Variants in CSMD1 observed in about 807,000 individuals in gnomAD.
The protein encoded by CSMD1 is CUB and Sushi multiple domains 1.
A neutral mutation model predicts 417.5 loss-of-function variants in CSMD1; 213 were observed. The observed-to-expected ratio is 0.51, with a 90% confidence interval of 0.46 to 0.57. CSMD1 has a LOEUF of 0.57. Ranked by LOEUF, CSMD1 falls within the 20% of genes least tolerant of loss-of-function variation. The pLI is 0.00. For missense variants in CSMD1, 6,923 were observed against 4,529.7 expected, an observed-to-expected ratio of 1.53 and a Z score of -15.17; for synonymous variants, 2,862 against 1,736.8, an observed-to-expected ratio of 1.65 and a Z score of -16.11.
chr8:3,616,891 G>T (rs1370803629), intron 7 of CSMD1, 94 bp from the exon 8 acceptor site: 5 of 776,202 alleles, frequency 6.4e-6, no homozygotes, highest in South Asian at 1.8e-5. Context: ...GTTCTTTAAT[G>T]ATAATGACTT....
At chr8:3,951,691 T>G (rs190692304) in intron 5 of CSMD1, among the ~76,000 whole-genome samples, 135 of 152,258 alleles carry the variant, frequency 8.9e-4, no homozygotes, top group Admixed American at 1.8e-3. Flanking sequence ...AGATATTTAG[T>G]TCTAATTTAA....
intron 1 of CSMD1, among the ~76,000 whole-genome samples, chr8:4,668,316 G>A (rs139418826): frequency 1.3e-5 from 2 of 151,912 alleles, no homozygotes; most frequent in South Asian, 2.1e-4. Context: ...TTTCTTGGAT[G>A]ATCACAGCAC....
chr8:4,203,995 G>C (rs930311390), intron 3 of CSMD1, among the ~76,000 whole-genome samples: 1 of 152,146 alleles, frequency 6.6e-6, no homozygotes, highest in Non-Finnish European at 1.5e-5. Context: ...CAGCTACTCG[G>C]AAGACTGAGG....
At chr8:3,404,360 C>T (rs921798866) in intron 15 of CSMD1, among the ~76,000 whole-genome samples, 1 of 147,158 alleles carries the variant, frequency 6.8e-6, no homozygotes, top group Admixed American at 6.8e-5. Context: ...AAAAAAATTG[C>T]GTTTCTACTT....
Position 4,799,636 on chromosome 8 carries a change from C to T in CSMD1, c.86-162078G>A, listed in dbSNP as rs552288795. On this transcript the variant is annotated intron_variant, in intron 1 of 69. Coordinates refer to ENST00000635120, the MANE Select transcript of CSMD1 (RefSeq NM_033225.6). ...AAAAAAAAAAAAAAAAAAGTAATCC[C>T]TGGGCACTCACACAAGTATCTGAAA... Among the ~76,000 whole-genome samples the T allele has an allele frequency of 1.7e-3, 218 of 127,706 alleles. 2 individuals are homozygous for T. In the South Asian group the frequency reaches 0.028, roughly 17 times the overall value. The allele number at this position is 127,706 out of a possible 152,430, so 83.8% of individuals were successfully genotyped here. A position where few individuals can be genotyped will look rare whatever the true frequency, so the allele number is the denominator to read the frequency against.
At chr8:4,168,914 G>C (rs1470535901) in intron 3 of CSMD1, among the ~76,000 whole-genome samples, 2 of 152,082 alleles carry the variant, frequency 1.3e-5, no homozygotes, top group African/African-American at 2.4e-5. Context: ...CCAGTGCCAG[G>C]CCTTGCTCTG....
chr8:4,699,614 A>G (rs1807379824), intron 1 of CSMD1, among the ~76,000 whole-genome samples: 1 of 152,176 alleles, frequency 6.6e-6, no homozygotes, highest in South Asian at 2.1e-4. Context: ...CTTGGCATTT[A>G]TTTGTTGAGA....
At chr8:4,131,952 G>C (rs1488199082) in intron 3 of CSMD1, among the ~76,000 whole-genome samples, 1 of 151,850 alleles carries the variant, frequency 6.6e-6, no homozygotes, top group African/African-American at 2.4e-5. Flanking sequence ...TTTTAGTAGA[G>C]ACCGGCTTTC....
chr8:4,359,857 T>G (rs550970079), intron 3 of CSMD1, among the ~76,000 whole-genome samples: 1 of 152,224 alleles, frequency 6.6e-6, no homozygotes, highest in Non-Finnish European at 1.5e-5. Context: ...TCAGTGCAAG[T>G]CCAGAGACAA....
chr8:4,185,975 T>C (rs886358287), intron 3 of CSMD1, among the ~76,000 whole-genome samples: 1 of 152,160 alleles, frequency 6.6e-6, no homozygotes, highest in Non-Finnish European at 1.5e-5. Context: ...CAGAAATCAT[T>C]CTTAACAAGT....
chr8:4,312,239 T>C (rs1281980518), intron 3 of CSMD1, among the ~76,000 whole-genome samples: 1 of 151,746 alleles, frequency 6.6e-6, no homozygotes. Flanking sequence ...GCGTAACTGA[T>C]CATATTGCAA....
chr8:4,596,899 C>G (rs1189323021), intron 2 of CSMD1, among the ~76,000 whole-genome samples: 1 of 152,164 alleles, frequency 6.6e-6, no homozygotes, highest in Admixed American at 6.5e-5. Flanking sequence ...GAATAAGTCT[C>G]ACAAGATCTG....
Position 4,204,870 on chromosome 8 carries a change from A to G in CSMD1, c.416-172771T>C, listed in dbSNP as rs1168082311. ...AAGACAGGGTATCACTATATTCCCCAGGCTGGTCCTGAACTCCTGTCCTCA... is the reference window on the plus strand; with the variant it reads ...AAGACAGGGTATCACTATATTCCCCGGGCTGGTCCTGAACTCCTGTCCTCA... On this transcript the variant is annotated intron_variant, in intron 3 of 69. Coordinates refer to ENST00000635120, the MANE Select transcript of CSMD1 (RefSeq NM_033225.6). Among the ~76,000 whole-genome samples the G allele has an allele frequency of 2.0e-5, 3 of 152,136 alleles. 1 individual carries two copies. Among genetic ancestry groups the G allele is most frequent in the Admixed American group, 2.0e-4 (3 of 15,264 alleles).
At chr8:3,528,781 G>C (rs930674733) in intron 10 of CSMD1, among the ~76,000 whole-genome samples, 5 of 152,148 alleles carry the variant, frequency 3.3e-5, no homozygotes, top group Admixed American at 2.6e-4. Context: ...ACTGAAGGTT[G>C]ACAGACAGAA....
At chr8:4,065,455 C>T (rs1167582985) in intron 3 of CSMD1, among the ~76,000 whole-genome samples, 1 of 152,148 alleles carries the variant, frequency 6.6e-6, no homozygotes, top group Non-Finnish European at 1.5e-5. Flanking sequence ...GGAAATTTGG[C>T]TTTTCTTTTA....
At chr8:4,829,228 A>G (rs561463521) in intron 1 of CSMD1, among the ~76,000 whole-genome samples, 5 of 152,168 alleles carry the variant, frequency 3.3e-5, no homozygotes, top group Non-Finnish European at 7.3e-5. Context: ...TTAGATGAGA[A>G]TTTTAAAACA....
At chr8:4,826,063 G>A (rs1318575502) in intron 1 of CSMD1, among the ~76,000 whole-genome samples, 1 of 151,888 alleles carries the variant, frequency 6.6e-6, no homozygotes, top group African/African-American at 2.4e-5. Flanking sequence ...AGCCATTGTG[G>A]AAAACAATAT....
intron 8 of CSMD1, among the ~76,000 whole-genome samples, chr8:3,588,151 A>C (rs973030955): frequency 6.6e-6 from 1 of 151,762 alleles, no homozygotes; most frequent in African/African-American, 2.4e-5. Context: ...CTGTTTACCT[A>C]CATTTTAATA....
intron 3 of CSMD1, among the ~76,000 whole-genome samples, chr8:4,213,971 G>C (rs901253546): frequency 1.3e-5 from 2 of 152,174 alleles, no homozygotes; most frequent in Admixed American, 6.6e-5. Flanking sequence ...TTAACACATG[G>C]TGTCTTTCAA....
Sources: allele counts gnomAD v4.1 joint callset (sites outside exome capture counted in the v4.1 genomes callset), GRCh38; gene constraint gnomAD v4.1.1; transcripts MANE v1.5; gene names NCBI Gene and HGNC (gene_info 2026-07-23, HGNC 2026-07-21).